PTPRD: variants seen among roughly 807,000 people sequenced by gnomAD.
PTPRD encodes the protein receptor-type tyrosine-protein phosphatase delta.
In PTPRD, 34 loss-of-function variants were observed where a neutral mutation model predicts 214.5. The observed-to-expected ratio is 0.16, with a 90% confidence interval of 0.12 to 0.21. The LOEUF is 0.21. PTPRD is among the 10% of genes least tolerant of loss of function. PTPRD has a pLI of 1.00. For missense variants in PTPRD, 2,545 were observed against 2,398.7 expected, an observed-to-expected ratio of 1.06 and a Z score of -1.27; for synonymous variants, 1,128 against 845.7, an observed-to-expected ratio of 1.33 and a Z score of -5.79.
intron 2 of PTPRD, among the ~76,000 whole-genome samples, chr9:10,357,366 G>A (rs1020068121): frequency 6.6e-6 from 1 of 152,128 alleles, no homozygotes; most frequent in Non-Finnish European, 1.5e-5. Context: ...ATAATAATTG[G>A]CACTATTATT....
intron 9 of PTPRD, among the ~76,000 whole-genome samples, chr9:9,236,417 G>A (rs1335330465): frequency 1.3e-5 from 2 of 151,870 alleles, no homozygotes; most frequent in African/African-American, 4.8e-5. Flanking sequence ...TTAAAAAGCA[G>A]AAATTAGATT....
chr9:8,521,883 A>G (rs974257977), intron 19 of PTPRD, among the ~76,000 whole-genome samples: 1 of 152,244 alleles, frequency 6.6e-6, no homozygotes, highest in Non-Finnish European at 1.5e-5. Context: ...ATGCAGGCAT[A>G]TAACAATGAT....
intron 2 of PTPRD, among the ~76,000 whole-genome samples, chr9:10,432,293 G>T (rs530821605): frequency 1.7e-5 from 2 of 114,842 alleles, no homozygotes; most frequent in African/African-American, 6.6e-5. Flanking sequence ...TGGTGGGGTG[G>T]GGGGAGGGGG....
At chr9:9,761,010 A>G (rs1347339864) in intron 6 of PTPRD, among the ~76,000 whole-genome samples, 1 of 152,180 alleles carries the variant, frequency 6.6e-6, no homozygotes, top group Non-Finnish European at 1.5e-5. Context: ...TATAAGACTA[A>G]ACATGTAACT....
intron 11 of PTPRD, among the ~76,000 whole-genome samples, chr9:8,810,611 C>G (rs2154522509): frequency 6.6e-6 from 1 of 152,280 alleles, no homozygotes; most frequent in African/African-American, 2.4e-5. Flanking sequence ...CACACTCTAA[C>G]AGTCATCACG....
At chr9:10,008,540 T>C (rs1275052543) in intron 4 of PTPRD, among the ~76,000 whole-genome samples, 2 of 151,886 alleles carry the variant, frequency 1.3e-5, no homozygotes, top group African/African-American at 4.8e-5. Flanking sequence ...AGCATGCATA[T>C]GTGTGCCCCA....
rs1047334126 is a variant in PTPRD, at chr9:9,536,635, G to A, written c.-237+38097C>T. ...CGTCCACAGCCTGAAAGCTTTTGAA[G>A]GTAAGCAGCGCCGTCATCATTTTGG... is the stretch of plus-strand genomic sequence containing the variant. On this transcript the variant is annotated intron_variant, in intron 8 of 45. Coordinates refer to ENST00000381196, the MANE Select transcript of PTPRD (RefSeq NM_002839.4). 2.6e-5 allele frequency among the ~76,000 whole-genome samples: 4 copies of A among 152,008 alleles called. No individual in the cohort carries two copies. In the East Asian group the frequency reaches 7.8e-4, roughly 30 times the overall value.
intron 11 of PTPRD, among the ~76,000 whole-genome samples, chr9:8,980,714 A>C (rs530074168): frequency 6.6e-6 from 1 of 152,122 alleles, no homozygotes; most frequent in Non-Finnish European, 1.5e-5. Flanking sequence ...TCATAAATAT[A>C]TGTAGCCCCA....
chr9:9,631,661 G>T (rs1156334547), intron 7 of PTPRD, among the ~76,000 whole-genome samples: 1 of 152,106 alleles, frequency 6.6e-6, no homozygotes, highest in African/African-American at 2.4e-5. Flanking sequence ...ATAGGGAAAG[G>T]AGCAAGTTGC....
At chr9:9,397,686 G>C (rs924946867) in intron 8 of PTPRD, among the ~76,000 whole-genome samples, 1 of 151,872 alleles carries the variant, frequency 6.6e-6, no homozygotes, top group African/African-American at 2.4e-5. Context: ...AAAGATATTA[G>C]TTGTTTATTC....
chr9:9,897,804 T>C (rs921080023), intron 5 of PTPRD, among the ~76,000 whole-genome samples: 3 of 152,262 alleles, frequency 2.0e-5, no homozygotes, highest in African/African-American at 7.2e-5. Context: ...CAATGTACAC[T>C]TAACTGTTTT....
At chr9:8,415,781 C>T (rs1041704007) in intron 35 of PTPRD, among the ~76,000 whole-genome samples, 41 of 152,168 alleles carry the variant, frequency 2.7e-4, no homozygotes, top group African/African-American at 9.4e-4. Context: ...AAATCTGGTC[C>T]TCTCAGAATG....
intron 8 of PTPRD, among the ~76,000 whole-genome samples, chr9:9,425,557 T>A (rs903554258): frequency 7.8e-6 from 1 of 127,882 alleles, no homozygotes; most frequent in South Asian, 2.6e-4. Flanking sequence ...CCTCCTAACA[T>A]ATACATCAGA....
chr9:9,210,672 ATGCCACATGCCACATACATG>A (rs2099947943), intron 9 of PTPRD, among the ~76,000 whole-genome samples: 1 of 152,164 alleles, frequency 6.6e-6, no homozygotes, highest in Middle Eastern at 3.4e-3. Context: ...GACTTGCCAC[ATGCCACATGCCACATACATG>A]TGCCACATGT....
At chr9:10,425,693 C>T (rs974916500) in intron 2 of PTPRD, among the ~76,000 whole-genome samples, 3 of 151,950 alleles carry the variant, frequency 2.0e-5, no homozygotes, top group African/African-American at 7.2e-5. Flanking sequence ...CATTTTCCTT[C>T]TCATTACAGA....
intron 10 of PTPRD, among the ~76,000 whole-genome samples, chr9:9,170,386 A>G (rs2099912126): frequency 6.6e-6 from 1 of 152,210 alleles, no homozygotes; most frequent in African/African-American, 2.4e-5. Context: ...ATAACAAAAT[A>G]GATTGGGTGG....
intron 14 of PTPRD, among the ~76,000 whole-genome samples, chr9:8,580,501 T>G (rs1354041920): frequency 6.6e-6 from 1 of 152,204 alleles, no homozygotes; most frequent in Non-Finnish European, 1.5e-5. Flanking sequence ...GGACTTTTTA[T>G]TTTTGAAAGT....
intron 2 of PTPRD, among the ~76,000 whole-genome samples, chr9:10,576,535 A>C (rs1478175200): frequency 6.6e-6 from 1 of 152,138 alleles, no homozygotes; most frequent in Non-Finnish European, 1.5e-5. Flanking sequence ...AAGGTGACTG[A>C]AAGACATTAG....
At chr9:8,562,809 G>C (rs990659286) in intron 14 of PTPRD, among the ~76,000 whole-genome samples, 3 of 151,274 alleles carry the variant, frequency 2.0e-5, no homozygotes, top group Admixed American at 1.3e-4. Context: ...TGGTGTTGTA[G>C]CTGAAAAACA....
Sources: gnomAD v4.1 joint callset for allele counts (sites outside exome capture counted in the v4.1 genomes callset) on GRCh38, gnomAD v4.1.1 for gene constraint, MANE v1.5 for transcripts, NCBI Gene and HGNC (gene_info 2026-07-23, HGNC 2026-07-21) for gene names.